The following ZNF469 variants were observed in gnomAD, a reference collection of about 807,000 sequenced individuals.
ZNF469 encodes zinc finger protein 469.
Under a neutral mutation model 1.0 loss-of-function variants are expected in ZNF469, and 1 was observed. The observed-to-expected ratio is 1.00, with a 90% CI of 0.35 to 4.73. The LOEUF is 4.73. Among genes scored for constraint, ZNF469 ranks in the 30% most tolerant of loss-of-function variants. The probability of loss-of-function intolerance (pLI) is 0.16; values close to 1 mark genes in which losing one functional copy is unlikely to be tolerated. For synonymous variants in ZNF469, 2,703 were observed against 2,363.4 expected (o/e 1.14, Z -4.17); for missense variants, 6,100 against 5,356.3 (o/e 1.14, Z -4.33).
At chr16:88,188,390 T>G in the ZNF469 span, among the ~76,000 whole-genome samples, 1 of 150,992 alleles carries the variant, frequency 6.6e-6, no homozygotes, top group South Asian at 2.1e-4. Context: ...ACTGTCATCC[T>G]GGGGGCCTGG....
the ZNF469 span, among the ~76,000 whole-genome samples, chr16:88,256,896 T>TTTCTCTCTC: frequency 7.4e-5 from 2 of 27,126 alleles, no homozygotes; most frequent in African/African-American, 2.6e-4. Flanking sequence ...TTTTCTTTCC[T>TTTCTCTCTC]TCTTTCTTTC....
chr16:88,216,780 T>G, the ZNF469 span, among the ~76,000 whole-genome samples: 451 of 152,340 alleles, frequency 3.0e-3, 2 homozygotes, highest in African/African-American at 9.6e-3. Context: ...TGTTAACCTT[T>G]TAACTATGTC....
chr16:88,294,489 C>G, the ZNF469 span, among the ~76,000 whole-genome samples: 1 of 152,208 alleles, frequency 6.6e-6, no homozygotes. Context: ...TGCCTCCTGC[C>G]CTCTGGGCTC....
rs771550262 is a variant in ZNF469 at position 88,435,098 on chromosome 16, G to C, written c.7628G>C (p.Arg2543Pro). ...GGGAAGGAGAGACCAAATCACTCAC[G>C]GGGAGACCCCAGCCACGTCACCCAG... is the stretch of plus-strand genomic sequence containing the variant. ...VSGKERPNHS[R>P]GDPSHVTQPP... Residue 2543 changes from arginine to proline, a missense_variant, in exon 3 of 3, where the codon CGG becomes CCG. Physicochemically the swap from Arg to Pro is moderately radical, Grantham distance 103. Coordinates refer to ENST00000565624, the MANE Select transcript of ZNF469 (RefSeq NM_001367624.2). 5.2e-6 allele frequency: 8 copies of C among 1,550,254 alleles called. No homozygotes were observed. Among genetic ancestry groups the C allele is most frequent in the Non-Finnish European group, 7.0e-6 (8 of 1,146,990 alleles).
chr16:88,404,042 G>A (rs1447279634), intron 1 of ZNF469, among the ~76,000 whole-genome samples: 1 of 152,232 alleles, frequency 6.6e-6, no homozygotes. Flanking sequence ...AAAGCCCCCC[G>A]ACTGGTCAGC....
intron 1 of ZNF469, among the ~76,000 whole-genome samples, chr16:88,418,518 G>C (rs571262861): frequency 6.6e-6 from 1 of 152,230 alleles, no homozygotes; most frequent in Admixed American, 6.5e-5. Context: ...GGGTGGCAGG[G>C]CTCCGTCTTT....
chr16:88,243,710 G>T, the ZNF469 span, among the ~76,000 whole-genome samples: 1 of 151,192 alleles, frequency 6.6e-6, no homozygotes, highest in Non-Finnish European at 1.5e-5. Context: ...TGGATGGATG[G>T]ATAAATGGGT....
rs1417304118 is a variant in ZNF469, at chr16:88,438,364, A to T, written c.10894A>T (p.Arg3632Trp). 3 of 1,550,212 alleles carry T rather than the reference A, an allele frequency of 1.9e-6. No individual in the cohort carries two copies. The highest frequency in any genetic ancestry group is 2.6e-6 in the Non-Finnish European group (3 of 1,146,952). The part of the protein sequence containing the change: ...GKRRAPGARG[R>W]CAPDHFQEDH... Reference sequence around the variant, plus strand: ...ACGCAGGGCCCCGGGTGCCCGTGGCAGGTGTGCCCCTGACCATTTCCAGGA... The same window carrying T: ...ACGCAGGGCCCCGGGTGCCCGTGGCTGGTGTGCCCCTGACCATTTCCAGGA... The change falls in exon 3 of 3, where the codon AGG becomes TGG. Residue 3632 changes from arginine to tryptophan, a missense_variant. Physicochemically the swap from Arg to Trp is moderately radical, Grantham distance 101. Coordinates refer to ENST00000565624, the MANE Select transcript of ZNF469 (RefSeq NM_001367624.2).
intron 1 of ZNF469, among the ~76,000 whole-genome samples, chr16:88,389,977 C>T (rs4075520): frequency 1.3e-5 from 2 of 152,030 alleles, no homozygotes; most frequent in South Asian, 2.1e-4. Context: ...GGTCGGCCTG[C>T]GGAGGGCCCC....
chr16:88,354,626 G>T, the ZNF469 span, among the ~76,000 whole-genome samples: 1 of 17,126 alleles, frequency 5.8e-5, no homozygotes, highest in South Asian at 1.1e-3. Flanking sequence ...TTCTCACCGC[G>T]CCCGGCCCCC....
chr16:88,175,576 C>T, the ZNF469 span, among the ~76,000 whole-genome samples: 1 of 152,188 alleles, frequency 6.6e-6, no homozygotes, highest in Admixed American at 6.5e-5. Context: ...AATTAAACAA[C>T]ACACTTCTAA....
chr16:88,426,177 A>T (rs1905692088), intron 2 of ZNF469, among the ~76,000 whole-genome samples: 1 of 152,218 alleles, frequency 6.6e-6, no homozygotes. Flanking sequence ...GGTCTCTGAG[A>T]GTGCTCCAGG....
chr16:88,362,906 C>T, the ZNF469 span, among the ~76,000 whole-genome samples: 1 of 152,136 alleles, frequency 6.6e-6, no homozygotes, highest in Admixed American at 6.6e-5. Flanking sequence ...TTTTGACTTC[C>T]ATCTTTATCT....
the ZNF469 span, among the ~76,000 whole-genome samples, chr16:88,341,263 G>A: frequency 6.6e-6 from 1 of 152,196 alleles, no homozygotes; most frequent in Non-Finnish European, 1.5e-5. Context: ...TGAATGCTGG[G>A]GGCCTGTACA....
At chr16:88,372,637 CCAT>C in the ZNF469 span, among the ~76,000 whole-genome samples, 11 of 151,480 alleles carry the variant, frequency 7.3e-5, no homozygotes, top group African/African-American at 1.5e-4. Flanking sequence ...ACCATCACCA[CCAT>C]CATCATTACC....
chr16:88,418,975 AGGGTTT>A (rs747194909), intron 1 of ZNF469, among the ~76,000 whole-genome samples: 111 of 152,236 alleles, frequency 7.3e-4, no homozygotes, highest in Non-Finnish European at 8.4e-4. Context: ...CGGCTCCACC[AGGGTTT>A]GGGGTGAGCC....
At chr16:88,238,441 T>G in the ZNF469 span, among the ~76,000 whole-genome samples, 1 of 152,106 alleles carries the variant, frequency 6.6e-6, no homozygotes, top group Non-Finnish European at 1.5e-5. Flanking sequence ...AGACCCTAAA[T>G]AGACCCTAGA....
At chr16:88,188,866 G>A in the ZNF469 span, among the ~76,000 whole-genome samples, 43 of 152,196 alleles carry the variant, frequency 2.8e-4, 1 homozygote, top group South Asian at 6.7e-3. Flanking sequence ...GCTAGTCCCC[G>A]GTGTGGGCAC....
chr16:88,330,747 T>A, the ZNF469 span, among the ~76,000 whole-genome samples: 2 of 152,194 alleles, frequency 1.3e-5, no homozygotes, highest in Non-Finnish European at 2.9e-5. Flanking sequence ...CTGCTGAGGC[T>A]GCACACTGAG....
Sources: allele counts gnomAD v4.1 joint callset (sites outside exome capture counted in the v4.1 genomes callset), GRCh38; gene constraint gnomAD v4.1.1; transcripts MANE v1.5; gene names NCBI Gene and HGNC (gene_info 2026-07-23, HGNC 2026-07-21).